GADL1: variants seen among roughly 807,000 people sequenced by gnomAD.
The protein encoded by GADL1 is GAD like acidic amino acid decarboxylase 1.
In GADL1, 71 loss-of-function variants were observed where a neutral mutation model predicts 69.5. The ratio of observed to expected loss-of-function variants is 1.02; its 90% CI spans 0.84 to 1.25. The LOEUF (loss-of-function observed/expected upper bound fraction) is 1.25. Ranked by LOEUF, GADL1 falls within the 50% of genes most tolerant of loss-of-function variation. The pLI, the probability that GADL1 is intolerant of heterozygous loss-of-function variation, is 0.00. For missense variants in GADL1, 737 were observed against 631.8 expected (o/e 1.17, Z -1.79); for synonymous variants, 254 against 214.4 (o/e 1.18, Z -1.62).
chr3:30,825,407 C>T (rs1020177393), intron 11 of GADL1, among the ~76,000 whole-genome samples: 2 of 151,904 alleles, frequency 1.3e-5, no homozygotes, highest in African/African-American at 4.8e-5. Flanking sequence ...TTCACATGGA[C>T]TTGGATTAAC....
Position 30,894,627 on chromosome 3 carries a change from A to G in GADL1, c.-13T>C. 6.5e-7 allele frequency: 1 copy of G among 1,549,396 alleles called. No homozygotes were observed. Among genetic ancestry groups the G allele is most frequent in the Non-Finnish European group, 8.7e-7 (1 of 1,145,980 alleles). On this transcript the variant is annotated 5_prime_UTR_variant, in exon 1 of 15. Transcript: ENST00000282538. The stretch of plus-strand genomic sequence containing the variant: ...AGTCGCTGCTCATCTCCGCTCCCCC[A>G]CTCCAGGCTGCCCCGGGCGCGGCTC...
chr3:30,764,638 ATTGT>A (rs369256954), intron 14 of GADL1, among the ~76,000 whole-genome samples: 26 of 152,358 alleles, frequency 1.7e-4, no homozygotes, highest in African/African-American at 5.3e-4. Context: ...CAATAAATAT[ATTGT>A]TTGAGTAGGC....
chr3:30,881,492 C>T (rs761593238), intron 1 of GADL1, among the ~76,000 whole-genome samples: 1 of 151,724 alleles, frequency 6.6e-6, no homozygotes, highest in Non-Finnish European at 1.5e-5. Context: ...ATTAAGGATG[C>T]TACTGGAATT....
intron 1 of GADL1, among the ~76,000 whole-genome samples, chr3:30,884,253 C>T (rs1354234208): frequency 6.6e-6 from 1 of 151,838 alleles, no homozygotes; most frequent in African/African-American, 2.4e-5. Flanking sequence ...GAGATGAAGC[C>T]CAGCTGGGGA....
At chr3:30,814,729 A>G (rs1210445915) in intron 11 of GADL1, among the ~76,000 whole-genome samples, 1 of 152,126 alleles carries the variant, frequency 6.6e-6, no homozygotes, top group African/African-American at 2.4e-5. Context: ...AACCAGAGAC[A>G]TTATTCTTGA....
Position 30,850,001 on chromosome 3 carries a change from C to T in GADL1, c.646G>A (p.Ala216Thr), listed in dbSNP as rs865905985. The T allele has an allele frequency of 6.4e-7, 1 of 1,566,262 alleles. No homozygotes were observed. The highest frequency in any genetic ancestry group is 8.8e-7 in the Non-Finnish European group (1 of 1,137,244). The change falls in exon 6 of 15, where the codon GCA becomes ACA. Residue 216 changes from alanine (A) to threonine (T), a missense_variant. Physicochemically the swap from Ala to Thr is moderately conservative, Grantham distance 58. Transcript: ENST00000282538. ...GSPRLILFTS[A>T]ECHYSMKKAA... ...ATACCAAAAATAATTTTTACCTCTG[C>T]AGATGTGAAAAGGATTAATCTTGGC...
rs148847086 is a variant in GADL1 at position 30,766,527 on chromosome 3, C to G, written c.1392+11652G>C. On this transcript the variant is annotated intron_variant, in intron 14 of 14. Transcript: ENST00000282538. Reference sequence around the variant, plus strand: ...TTACATGTACTATCCTATTTAGTCCCTGAAAATCCATAACATATCATTACT... The same window carrying G: ...TTACATGTACTATCCTATTTAGTCCGTGAAAATCCATAACATATCATTACT... Among the ~76,000 whole-genome samples the G allele has an allele frequency of 4.6e-3, 696 of 151,782 alleles. 3 individuals carry two copies. The highest frequency in any genetic ancestry group is 7.6e-3 in the Admixed American group (115 of 15,184).
intron 11 of GADL1, among the ~76,000 whole-genome samples, chr3:30,831,784 G>A (rs1697796868): frequency 6.6e-6 from 1 of 151,948 alleles, no homozygotes; most frequent in Admixed American, 6.6e-5. Flanking sequence ...AACTGCAGGG[G>A]AGGCTAGTTA....
At chr3:30,827,846 A>T (rs775072585) in intron 11 of GADL1, among the ~76,000 whole-genome samples, 3 of 151,974 alleles carry the variant, frequency 2.0e-5, no homozygotes, top group Non-Finnish European at 2.9e-5. Flanking sequence ...GCCCAGACAC[A>T]GAGAATGATT....
At chr3:30,886,359 T>C (rs930952101) in intron 1 of GADL1, among the ~76,000 whole-genome samples, 5 of 152,090 alleles carry the variant, frequency 3.3e-5, no homozygotes, top group African/African-American at 9.7e-5. Context: ...AGACAAGGTG[T>C]TGATTTCTCA....
chr3:30,751,691 A>G (rs1255472780), intron 14 of GADL1, among the ~76,000 whole-genome samples: 1 of 152,172 alleles, frequency 6.6e-6, no homozygotes, highest in African/African-American at 2.4e-5. Flanking sequence ...AGTCTTAACT[A>G]CAATCGTGTC....
chr3:30,752,321 A>C (rs1351352701), intron 14 of GADL1, among the ~76,000 whole-genome samples: 1 of 152,044 alleles, frequency 6.6e-6, no homozygotes, highest in Non-Finnish European at 1.5e-5. Context: ...GTAGGGGCCT[A>C]TCTCTCTTGC....
chr3:30,844,019 G>A (rs1044907075), intron 8 of GADL1, among the ~76,000 whole-genome samples, 191 bp downstream of exon 8: 1 of 152,212 alleles, frequency 6.6e-6, no homozygotes, highest in African/African-American at 2.4e-5. Context: ...GGAGAGCCAA[G>A]CACTTGGAAA....
At chr3:30,788,808 C>A (rs1696853768) in intron 12 of GADL1, among the ~76,000 whole-genome samples, 1 of 152,150 alleles carries the variant, frequency 6.6e-6, no homozygotes, top group Non-Finnish European at 1.5e-5. Flanking sequence ...CTTTGCTCAT[C>A]CATAGGAAGA....
At chr3:30,765,459 C>A (rs1051946705) in intron 14 of GADL1, among the ~76,000 whole-genome samples, 2 of 124,042 alleles carry the variant, frequency 1.6e-5, no homozygotes, top group African/African-American at 5.9e-5. Context: ...CTGAATGAAT[C>A]AATAAATTAT....
chr3:30,780,878 A>G (rs562014485), intron 13 of GADL1, among the ~76,000 whole-genome samples: 5 of 152,330 alleles, frequency 3.3e-5, no homozygotes, highest in Middle Eastern at 3.4e-3. Flanking sequence ...TAAGAGTTGA[A>G]AAAGTCTTTG....
intron 14 of GADL1, among the ~76,000 whole-genome samples, chr3:30,776,192 TGTCA>T (rs1237831264): frequency 6.6e-6 from 1 of 152,250 alleles, no homozygotes; most frequent in Non-Finnish European, 1.5e-5. Context: ...TTCTAATCCC[TGTCA>T]GTCCAACAGT....
Position 30,801,065 on chromosome 3 carries a change from A to G in GADL1, c.1074T>C (p.Ser358=). The change falls in exon 12 of 15, where the codon TCT becomes TCC. Residue 358 remains serine (S), a synonymous_variant. Transcript: ENST00000282538. ...DKSDLLKKCY[S]AKASYLFQQD... The stretch of plus-strand genomic sequence containing the variant: ...GCTGGAAGAGGTAAGATGCCTTGGC[A>G]GAGTAGCATTTTTTAAGAAGATCCT... 1.2e-6 allele frequency: 2 copies of G among 1,613,412 alleles called. No homozygotes were observed. The highest frequency in any genetic ancestry group is 8.5e-7 in the Non-Finnish European group (1 of 1,179,682).
chr3:30,872,786 G>A (rs751064242), intron 1 of GADL1, among the ~76,000 whole-genome samples: 53 of 151,988 alleles, frequency 3.5e-4, no homozygotes, highest in Non-Finnish European at 5.2e-4. Context: ...TGGTGAGCAA[G>A]AGTCATTCTG....
Sources: allele counts gnomAD v4.1 joint callset (sites outside exome capture counted in the v4.1 genomes callset), GRCh38; gene constraint gnomAD v4.1.1; transcripts MANE v1.5; gene names NCBI Gene and HGNC (gene_info 2026-07-23, HGNC 2026-07-21).